Variants in WWOX observed in about 807,000 individuals in gnomAD.
WWOX encodes the protein WW domain-containing oxidoreductase.
A neutral mutation model predicts 46.2 loss-of-function variants in WWOX; 69 were observed. That is an observed-to-expected ratio of 1.49 (90% CI 1.23 to 1.82). The LOEUF (loss-of-function observed/expected upper bound fraction) is 1.82, where lower values mean the gene tolerates loss of function less well. WWOX is among the 40% of genes most tolerant of loss of function. WWOX has a pLI of 0.00. For missense variants in WWOX, 919 were observed against 542.6 expected, an observed-to-expected ratio of 1.69 and a Z score of -6.89; for synonymous variants, 359 against 202.6, an observed-to-expected ratio of 1.77 and a Z score of -6.56.
At chr16:78,118,578 A>G (rs1428259797) in intron 4 of WWOX, among the ~76,000 whole-genome samples, 1 of 152,144 alleles carries the variant, frequency 6.6e-6, no homozygotes, top group Non-Finnish European at 1.5e-5. Flanking sequence ...GTTTGTGTAT[A>G]TTCAGTTATC....
chr16:78,275,289 A>C (rs969509200), intron 5 of WWOX, among the ~76,000 whole-genome samples: 4 of 152,024 alleles, frequency 2.6e-5, no homozygotes, highest in Non-Finnish European at 5.9e-5. Flanking sequence ...AAGGTCTGGC[A>C]CCTTTGCTCC....
intron 8 of WWOX, among the ~76,000 whole-genome samples, chr16:79,041,764 A>G (rs766871226): frequency 6.6e-6 from 1 of 152,182 alleles, no homozygotes; most frequent in Non-Finnish European, 1.5e-5. Flanking sequence ...TTAATGCTTT[A>G]CACTTTTGTT....
intron 5 of WWOX, among the ~76,000 whole-genome samples, chr16:78,205,696 C>T (rs2036367519): frequency 6.6e-6 from 1 of 152,068 alleles, no homozygotes; most frequent in Non-Finnish European, 1.5e-5. Context: ...TCCATCTGTT[C>T]ATTCATCTAT....
At chr16:78,745,900 A>G (rs2049337153) in intron 8 of WWOX, among the ~76,000 whole-genome samples, 1 of 152,126 alleles carries the variant, frequency 6.6e-6, no homozygotes, top group South Asian at 2.1e-4. Flanking sequence ...GAACGTGTGC[A>G]TGCCAGAAAC....
chr16:78,661,319 A>G (rs2047206873), intron 8 of WWOX, among the ~76,000 whole-genome samples: 1 of 152,140 alleles, frequency 6.6e-6, no homozygotes, highest in South Asian at 2.1e-4. Flanking sequence ...GCCATTTTTT[A>G]AAATTTATGT....
chr16:78,690,052 G>A (rs141389739), intron 8 of WWOX, among the ~76,000 whole-genome samples: 1,735 of 152,034 alleles, frequency 0.011, 23 homozygotes, highest in Non-Finnish European at 0.014. Flanking sequence ...GTAGAGATGC[G>A]GTTTCACCAT....
At chr16:79,029,721 G>C (rs1039969816) in intron 8 of WWOX, among the ~76,000 whole-genome samples, 1 of 152,052 alleles carries the variant, frequency 6.6e-6, no homozygotes, top group African/African-American at 2.4e-5. Context: ...ACAAGATTTT[G>C]CATTTTTAAT....
At position 78,794,499 on chromosome 16, in the gene WWOX, C is replaced by G. The variant is rs558573706; in HGVS notation, c.1056+361747C>G. Among the ~76,000 whole-genome samples, 4 of 152,254 alleles carry G rather than the reference C, an allele frequency of 2.6e-5. No individual in the cohort carries two copies. The East Asian group carries it at 5.8e-4, about 22-fold the overall frequency. On this transcript the variant is annotated intron_variant, in intron 8 of 8. Coordinates refer to ENST00000566780, the MANE Select transcript of WWOX (RefSeq NM_016373.4). Reference sequence around the variant, plus strand: ...TCTATGTGTCCTTAGGCAAAATACCCAAACTCTCTGAATACCAATTTTCTC... The same window carrying G: ...TCTATGTGTCCTTAGGCAAAATACCGAAACTCTCTGAATACCAATTTTCTC...
At chr16:78,231,722 G>T (rs983067408) in intron 5 of WWOX, among the ~76,000 whole-genome samples, 3 of 152,182 alleles carry the variant, frequency 2.0e-5, no homozygotes, top group African/African-American at 7.2e-5. Flanking sequence ...CATTGGCTGA[G>T]TGGAACAAAA....
chr16:78,287,347 T>C (rs1051016253), intron 5 of WWOX, among the ~76,000 whole-genome samples: 2 of 152,184 alleles, frequency 1.3e-5, no homozygotes, highest in African/African-American at 4.8e-5. Context: ...CTCAAGCAGT[T>C]GGAGCATCAT....
chr16:78,355,887 C>T (rs973401814), intron 5 of WWOX: 4 of 486,568 alleles, frequency 8.2e-6, no homozygotes, highest in Non-Finnish European at 1.6e-5. Context: ...AGTGGCCTCT[C>T]TAAATGTGCA....
At chr16:78,123,903 T>C (rs1397217702) in intron 4 of WWOX, 1 of 152,156 alleles carries the variant, frequency 6.6e-6, no homozygotes, top group African/African-American at 2.4e-5. Flanking sequence ...CAGTACAGTA[T>C]ATGTTTCTTA....
At chr16:78,739,699 T>C (rs1248595129) in intron 8 of WWOX, among the ~76,000 whole-genome samples, 5 of 152,072 alleles carry the variant, frequency 3.3e-5, no homozygotes, top group African/African-American at 9.7e-5. Flanking sequence ...TAATCCCAGC[T>C]ACTGCAGAGG....
At chr16:78,831,090 AG>A (rs1361997652) in intron 8 of WWOX, among the ~76,000 whole-genome samples, 1 of 152,188 alleles carries the variant, frequency 6.6e-6, no homozygotes, top group Non-Finnish European at 1.5e-5. Flanking sequence ...CTGCGTTCCT[AG>A]CCCTCCAGAG....
At chr16:78,686,666 A>T (rs140413351) in intron 8 of WWOX, among the ~76,000 whole-genome samples, 76 of 152,300 alleles carry the variant, frequency 5.0e-4, no homozygotes, top group African/African-American at 1.7e-3. Flanking sequence ...CAGTTTGAGA[A>T]CCAATGATAA....
intron 8 of WWOX, among the ~76,000 whole-genome samples, chr16:79,126,129 G>A (rs1039993324): frequency 6.6e-6 from 1 of 152,136 alleles, no homozygotes; most frequent in Non-Finnish European, 1.5e-5. Context: ...CTTTCTTCCA[G>A]CTTGGGGATG....
intron 4 of WWOX, among the ~76,000 whole-genome samples, chr16:78,162,345 T>C (rs2034822182): frequency 6.6e-6 from 1 of 152,188 alleles, no homozygotes; most frequent in African/African-American, 2.4e-5. Flanking sequence ...ATCTGCAGTT[T>C]TTAGCAGTTT....
At chr16:78,531,070 T>G (rs1567625722) in intron 8 of WWOX, among the ~76,000 whole-genome samples, 1 of 152,212 alleles carries the variant, frequency 6.6e-6, no homozygotes, top group Non-Finnish European at 1.5e-5. Flanking sequence ...GCTGATTACT[T>G]TTTGATTTGG....
intron 5 of WWOX, among the ~76,000 whole-genome samples, chr16:78,187,297 A>G (rs541380796): frequency 1.3e-5 from 2 of 152,276 alleles, no homozygotes; most frequent in East Asian, 1.9e-4. Context: ...CACAAAGAAA[A>G]GAGGACTGCA....
Sources: allele counts gnomAD v4.1 joint callset (sites outside exome capture counted in the v4.1 genomes callset), GRCh38; gene constraint gnomAD v4.1.1; transcripts MANE v1.5; gene names NCBI Gene and HGNC (gene_info 2026-07-23, HGNC 2026-07-21).